The following PEX1 variants were observed in gnomAD, a reference collection of about 807,000 sequenced individuals.
PEX1 encodes peroxisomal biogenesis factor 1, also known as peroxisomal ATPase PEX1.
PEX1 carries 97 observed loss-of-function variants against 152.5 expected under a neutral mutation model. The observed-to-expected ratio is 0.64, with a 90% CI of 0.54 to 0.75. PEX1 has a LOEUF of 0.75. Ranked by LOEUF, PEX1 falls within the 30% of genes least tolerant of loss-of-function variation. The probability of loss-of-function intolerance (pLI) is 0.00; values close to 1 mark genes in which losing one functional copy is unlikely to be tolerated. For synonymous variants in PEX1, 485 were observed against 531.6 expected (o/e 0.91, Z 1.21); for missense variants, 1,357 against 1,516.3 (o/e 0.89, Z 1.74).
rs1406644088 is a variant in PEX1, at chr7:92,499,632, C to T, written c.2718+72G>A. 10 of 1,309,068 alleles carry T rather than the reference C, an allele frequency of 7.6e-6. No individual in the cohort carries two copies. The East Asian group carries it at 1.6e-4, about 21-fold the overall frequency. The allele number at this position is 1,309,068 out of a possible 1,614,324, so 81.1% of individuals were successfully genotyped here. On this transcript the variant is annotated intron_variant, in intron 16 of 23. Coordinates refer to ENST00000248633, the MANE Select transcript of PEX1 (RefSeq NM_000466.3). ...AATGCACTAAATGCCAGTGAATTTA[C>T]ACTTTGAAATGGCTAACTGCATTTA... is the stretch of plus-strand genomic sequence containing the variant.
At chr7:92,505,600 C>T (rs1319907212) in intron 11 of PEX1, among the ~76,000 whole-genome samples, 7 of 152,094 alleles carry the variant, frequency 4.6e-5, no homozygotes, top group Admixed American at 3.9e-4. Flanking sequence ...AATGCAAATG[C>T]ATCTGCCTAG....
Position 92,501,518 on chromosome 7 carries a change from A to G in PEX1, c.2572T>C (p.Leu858=), listed in dbSNP as rs1329013914. The part of the protein sequence containing the change: ...VRQILMDTIQ[L]PAKYPELFAN... ...TTTTTTAAACATACCTTGGCAGGTA[A>G]CTGGATAGTATCCATGAGTATCTGC... The change falls in exon 15 of 24, where the codon TTA becomes CTA. Residue 858 remains leucine, a synonymous_variant. Transcript: ENST00000248633. 1 of 1,613,236 alleles carries G rather than the reference A, an allele frequency of 6.2e-7. No individual in the cohort carries two copies. The highest frequency in any genetic ancestry group is 1.3e-5 in the African/African-American group (1 of 74,896).
rs1279062685 is a variant in PEX1 at position 92,502,047 on chromosome 7, TATTAC to T, written c.2254_2258del (p.Val752LysfsTer3). 1.2e-6 allele frequency: 2 copies of T among 1,611,662 alleles called. No individual in the cohort carries two copies. Among genetic ancestry groups the T allele is most frequent in the South Asian group, 2.2e-5 (2 of 90,886 alleles). ...TTATATCACAGTCCAATTTATTTTT[TATTAC>T]ATTACACAGAATTTCACATCTTTGT... On this transcript the variant is annotated frameshift_variant, in exon 14 of 24. Coordinates refer to ENST00000248633, the MANE Select transcript of PEX1 (RefSeq NM_000466.3). LOFTEE classifies it high-confidence loss of function.
Position 92,509,391 on chromosome 7 carries a change from T to TA in PEX1, c.1607dup (p.Glu538ArgfsTer5), listed in dbSNP as rs772819336. On this transcript the variant is annotated frameshift_variant, in exon 9 of 24. Coordinates refer to ENST00000248633, the MANE Select transcript of PEX1 (RefSeq NM_000466.3). LOFTEE classifies it high-confidence loss of function. ...CAATTTCCTCACTGTTTTCTTCTTT[T>TA]ACCATAGGATCTAGAAGGACCTACA... 6.2e-7 allele frequency: 1 copy of TA among 1,611,956 alleles called. No individual in the cohort carries two copies.
At chr7:92,514,663 C>T (rs903878216) in intron 5 of PEX1, among the ~76,000 whole-genome samples, 4 of 152,114 alleles carry the variant, frequency 2.6e-5, no homozygotes, top group African/African-American at 9.7e-5. Context: ...AGTAAAATTT[C>T]TCCCACCCCC....
intron 1 of PEX1, among the ~76,000 whole-genome samples, chr7:92,526,155 T>G (rs1056645660): frequency 6.6e-6 from 1 of 152,230 alleles, no homozygotes; most frequent in African/African-American, 2.4e-5. Context: ...GCTTAAGGTC[T>G]CTATCGTCAT....
chr7:92,524,996 A>G (rs1449512449), intron 1 of PEX1, among the ~76,000 whole-genome samples: 1 of 152,226 alleles, frequency 6.6e-6, no homozygotes, highest in Admixed American at 6.5e-5. Flanking sequence ...AGCTCACTGA[A>G]AAAAGGAAAA....
Position 92,528,383 on chromosome 7 carries a change from G to A in PEX1, c.53C>T (p.Thr18Ile). 1 of 1,593,092 alleles carries A rather than the reference G, an allele frequency of 6.3e-7. No individual in the cohort carries two copies. ...GTCGCGAGCGTTGGTGAAGGCCACAGTCACTGCCGCCCCGCCTCCCCCAGC... is the reference window on the plus strand; with the variant it reads ...GTCGCGAGCGTTGGTGAAGGCCACAATCACTGCCGCCCCGCCTCCCCCAGC... ...AGAGGGGAAVTVAFTNARDCF... is the reference protein window; with the variant it reads ...AGAGGGGAAVIVAFTNARDCF... Residue 18 changes from threonine (T) to isoleucine (I), a missense_variant, in exon 1 of 24, where the codon ACT becomes ATT. Thr to Ile is a moderately conservative substitution (Grantham distance 89). Coordinates refer to ENST00000248633, the MANE Select transcript of PEX1 (RefSeq NM_000466.3).
At chr7:92,521,710 T>TA (rs769997790) in intron 2 of PEX1, among the ~76,000 whole-genome samples, 3 of 152,196 alleles carry the variant, frequency 2.0e-5, no homozygotes, top group African/African-American at 7.2e-5. Context: ...GTGCTGGGAT[T>TA]ATAGGTGTGA....
At position 92,517,894 on chromosome 7, in the gene PEX1, T is replaced by C; in HGVS notation, c.621A>G (p.Lys207=). ...KKLHSYGRDQ[K]GMMKELQTKQ... is the part of the protein sequence containing the mutation. The stretch of plus-strand genomic sequence containing the variant: ...TGGTTTGAAGTTCTTTCATCATTCC[T>C]TTCTGGTCTCTTCCATAACTATGAA... The change falls in exon 5 of 24, where the codon AAA becomes AAG. Residue 207 remains lysine (K), a synonymous_variant. Coordinates refer to ENST00000248633, the MANE Select transcript of PEX1 (RefSeq NM_000466.3). The C allele has an allele frequency of 1.3e-6, 2 of 1,554,758 alleles. No homozygotes were observed. Among genetic ancestry groups the C allele is most frequent in the Non-Finnish European group, 1.7e-6 (2 of 1,156,738 alleles).
At chr7:92,496,527 A>C (rs1289274141) in intron 17 of PEX1, among the ~76,000 whole-genome samples, 186 bp downstream of exon 17, 1 of 152,210 alleles carries the variant, frequency 6.6e-6, no homozygotes, top group African/African-American at 2.4e-5. Context: ...TAATTTCCAA[A>C]ATTTAATATC....
At chr7:92,523,251 C>A (rs1300024734) in intron 1 of PEX1, among the ~76,000 whole-genome samples, 1 of 152,050 alleles carries the variant, frequency 6.6e-6, no homozygotes, top group Non-Finnish European at 1.5e-5. Context: ...GCAAGTTTTT[C>A]ATATAGTTGT....
chr7:92,503,004 G>C (rs771389068), intron 13 of PEX1, 37 bp downstream of exon 13: 10 of 1,546,652 alleles, frequency 6.5e-6, no homozygotes, highest in Non-Finnish European at 8.0e-6. Context: ...TCTATAAAAG[G>C]GACATAATTC....
intron 1 of PEX1, 128 bp downstream of exon 1, chr7:92,528,179 A>G: frequency 2.4e-6 from 3 of 1,244,056 alleles, no homozygotes; most frequent in Non-Finnish European, 3.4e-6. Flanking sequence ...CCTGCCGTCG[A>G]GGGACCCTGA....
In PEX1 at chr7:92,528,462, C is replaced by T; in HGVS notation, c.-27G>A. 6.4e-7 allele frequency: 1 copy of T among 1,561,990 alleles called. No individual in the cohort carries two copies. The highest frequency in any genetic ancestry group is 1.2e-5 in the South Asian group (1 of 85,592). The stretch of plus-strand genomic sequence containing the variant: ...GTCCCGGAGCGTCGCTCTGGGTTCG[C>T]CCACCCTAGCGCCGCAAAGGACCCG... On this transcript the variant is annotated 5_prime_UTR_variant, in exon 1 of 24. Coordinates refer to ENST00000248633, the MANE Select transcript of PEX1 (RefSeq NM_000466.3).
At position 92,491,255 on chromosome 7, in the gene PEX1, A is replaced by T; in HGVS notation, c.3438+17T>A. 1 of 1,478,504 alleles carries T rather than the reference A, an allele frequency of 6.8e-7. No homozygotes were observed. Among genetic ancestry groups the T allele is most frequent in the Non-Finnish European group, 9.5e-7 (1 of 1,056,138 alleles). 91.6% of individuals were successfully genotyped at this position (1,478,504 alleles called of 1,614,324 possible). ...CTTTATATTTCAGAACTGTATAATG[A>T]TGACTGCACAAGATACCAAATCAGA... On this transcript the variant is annotated intron_variant, in intron 21 of 23. Coordinates refer to ENST00000248633, the MANE Select transcript of PEX1 (RefSeq NM_000466.3).
chr7:92,518,732 G>A (rs1211588161), intron 3 of PEX1, among the ~76,000 whole-genome samples: 1 of 152,132 alleles, frequency 6.6e-6, no homozygotes, highest in African/African-American at 2.4e-5. Flanking sequence ...ACCATGCCTG[G>A]CTAATTTTTG....
In PEX1 at chr7:92,512,628, A is replaced by G. The variant is rs146300704; in HGVS notation, c.1360-925T>C. Among the ~76,000 whole-genome samples, 1,223 of 151,916 alleles carry G rather than the reference A, an allele frequency of 8.1e-3. 20 individuals carry two copies. The highest frequency in any genetic ancestry group is 0.028 in the African/African-American group (1,160 of 41,426). ...TGCCTCAGCCTCCTGAGTAGCTGAG[A>G]TTACAGGATTAGCACCACGCCCCGA... On this transcript the variant is annotated intron_variant, in intron 6 of 23. Transcript: ENST00000248633.
intron 20 of PEX1, among the ~76,000 whole-genome samples, chr7:92,492,508 G>GAA (rs1791389799): frequency 6.6e-6 from 1 of 152,134 alleles, no homozygotes. Context: ...AGTGATTCAA[G>GAA]AATGATGAGG....
Sources: gnomAD v4.1 joint callset for allele counts (sites outside exome capture counted in the v4.1 genomes callset) on GRCh38, gnomAD v4.1.1 for gene constraint, MANE v1.5 for transcripts, NCBI Gene and HGNC (gene_info 2026-07-23, HGNC 2026-07-21) for gene names.